SOX5: variants seen among roughly 807,000 people sequenced by gnomAD.
The protein encoded by SOX5 is transcription factor SOX-5.
SOX5 carries 9 observed loss-of-function variants against 92.0 expected under a neutral mutation model. The observed-to-expected ratio is 0.10, with a 90% CI of 0.06 to 0.17. The LOEUF is 0.17. SOX5 is among the 10% of genes least tolerant of loss of function. The pLI, the probability that SOX5 is intolerant of heterozygous loss-of-function variation, is 1.00. For synonymous variants in SOX5, 344 were observed against 336.3 expected (o/e 1.02, Z -0.25); for missense variants, 642 against 944.5 (o/e 0.68, Z 4.20).
At chr12:23,840,018 C>T (rs774286261) in intron 3 of SOX5, among the ~76,000 whole-genome samples, 2 of 148,520 alleles carry the variant, frequency 1.3e-5, no homozygotes, top group Non-Finnish European at 3.0e-5. Context: ...AGAAAGTGCA[C>T]ATCTTTAAAA....
intron 3 of SOX5, among the ~76,000 whole-genome samples, chr12:23,797,280 G>A (rs561218989): frequency 1.4e-4 from 22 of 151,954 alleles, no homozygotes; most frequent in African/African-American, 5.3e-4. Flanking sequence ...AATAATTTTT[G>A]GGCAGTGGTT....
At chr12:24,378,980 G>A (rs1212958039) in intron 1 of SOX5, among the ~76,000 whole-genome samples, 1 of 152,172 alleles carries the variant, frequency 6.6e-6, no homozygotes, top group Non-Finnish European at 1.5e-5. Context: ...TCATTCATCT[G>A]ACTGAAAACC....
chr12:23,758,034 A>G (rs1323365977), intron 3 of SOX5, among the ~76,000 whole-genome samples: 4 of 148,962 alleles, frequency 2.7e-5, no homozygotes, highest in Admixed American at 2.7e-4. Context: ...AAAAAAAAAA[A>G]AGAATAACTT....
intron 4 of SOX5, among the ~76,000 whole-genome samples, chr12:23,998,225 C>T (rs998615087): frequency 4.6e-5 from 7 of 151,854 alleles, no homozygotes; most frequent in African/African-American, 1.7e-4. Flanking sequence ...ATTGATCAAA[C>T]ATACATCAAT....
chr12:24,106,210 C>T (rs1429068344), intron 4 of SOX5, among the ~76,000 whole-genome samples: 1 of 151,128 alleles, frequency 6.6e-6, no homozygotes, highest in East Asian at 1.9e-4. Flanking sequence ...AAAAAATTAG[C>T]CCAACACACC....
At chr12:24,195,568 C>T (rs543878156) in intron 4 of SOX5, among the ~76,000 whole-genome samples, 2 of 152,206 alleles carry the variant, frequency 1.3e-5, no homozygotes, top group African/African-American at 4.8e-5. Flanking sequence ...GAGAAGAACT[C>T]AATATATCTG....
At chr12:24,041,887 T>C (rs1276866663) in intron 4 of SOX5, among the ~76,000 whole-genome samples, 1 of 152,136 alleles carries the variant, frequency 6.6e-6, no homozygotes, top group Non-Finnish European at 1.5e-5. Context: ...ATTTGATGTA[T>C]TGATTAATAA....
intron 9 of SOX5, among the ~76,000 whole-genome samples, chr12:23,587,795 C>A: frequency 6.6e-6 from 1 of 152,042 alleles, no homozygotes; most frequent in Non-Finnish European, 1.5e-5. Context: ...ACATCCAATT[C>A]CTTTCCAGTC....
At chr12:24,045,149 T>A (rs1956876734) in intron 4 of SOX5, among the ~76,000 whole-genome samples, 1 of 152,116 alleles carries the variant, frequency 6.6e-6, no homozygotes, top group Non-Finnish European at 1.5e-5. Flanking sequence ...GACTCTGGAC[T>A]CCACTGCTTG....
chr12:24,185,138 T>C (rs1333785426), intron 4 of SOX5, among the ~76,000 whole-genome samples: 1 of 152,142 alleles, frequency 6.6e-6, no homozygotes, highest in Non-Finnish European at 1.5e-5. Context: ...GATATAGATA[T>C]GGGTCTATCT....
At chr12:23,922,066 T>TC (rs371567734) in intron 1 of SOX5, among the ~76,000 whole-genome samples, 8 of 151,816 alleles carry the variant, frequency 5.3e-5, no homozygotes, top group African/African-American at 9.7e-5. Context: ...ACCAGACAAC[T>TC]CCCCCCCTGG....
At chr12:23,896,851 G>A (rs1015066003) in intron 1 of SOX5, among the ~76,000 whole-genome samples, 1 of 151,878 alleles carries the variant, frequency 6.6e-6, no homozygotes, top group African/African-American at 2.4e-5. Context: ...CCCAAAGAAG[G>A]ATATTTTGTT....
intron 3 of SOX5, among the ~76,000 whole-genome samples, chr12:24,243,852 C>A (rs1428163022): frequency 1.3e-5 from 2 of 152,050 alleles, no homozygotes; most frequent in Non-Finnish European, 2.9e-5. Context: ...GGAACTTCCA[C>A]CTGAATAGAA....
intron 9 of SOX5, among the ~76,000 whole-genome samples, chr12:23,581,195 A>C (rs1949997263): frequency 6.6e-6 from 1 of 152,024 alleles, no homozygotes; most frequent in South Asian, 2.1e-4. Context: ...GTCTTTGTTA[A>C]GGAGTTTTAA....
intron 1 of SOX5, among the ~76,000 whole-genome samples, chr12:23,937,206 T>C (rs1942767957): frequency 6.6e-6 from 1 of 151,004 alleles, no homozygotes; most frequent in African/African-American, 2.4e-5. Flanking sequence ...AAATTATTAC[T>C]TAGTCAAAAA....
At chr12:23,973,073 TC>T (rs1948523298) in intron 4 of SOX5, among the ~76,000 whole-genome samples, 1 of 152,164 alleles carries the variant, frequency 6.6e-6, no homozygotes, top group South Asian at 2.1e-4. Context: ...AAAGTATTTT[TC>T]TTTCCATGCC....
intron 2 of SOX5, among the ~76,000 whole-genome samples, chr12:24,363,629 T>C (rs1955841715): frequency 6.6e-6 from 1 of 152,078 alleles, no homozygotes; most frequent in Non-Finnish European, 1.5e-5. Flanking sequence ...ATAAATCATT[T>C]ACATTAAACA....
At chr12:23,960,450 C>T (rs755819208) in intron 4 of SOX5, among the ~76,000 whole-genome samples, 1 of 143,436 alleles carries the variant, frequency 7.0e-6, no homozygotes, top group Non-Finnish European at 1.5e-5. Flanking sequence ...TATGCTTACA[C>T]ATGTGAATCC....
intron 6 of SOX5, among the ~76,000 whole-genome samples, chr12:23,694,432 T>A (rs1204778080): frequency 6.6e-6 from 1 of 152,164 alleles, no homozygotes; most frequent in Non-Finnish European, 1.5e-5. Context: ...ATATTTCTCA[T>A]CTGTGTCTCT....
Sources: allele counts gnomAD v4.1 joint callset (sites outside exome capture counted in the v4.1 genomes callset), GRCh38; gene constraint gnomAD v4.1.1; transcripts MANE v1.5; gene names NCBI Gene and HGNC (gene_info 2026-07-23, HGNC 2026-07-21).